HECTD2: variants seen among roughly 807,000 people sequenced by gnomAD.
HECTD2 encodes the protein HECT domain E3 ubiquitin protein ligase 2.
HECTD2 carries 35 observed loss-of-function variants against 103.2 expected under a neutral mutation model. The ratio of observed to expected loss-of-function variants is 0.34; its 90% CI spans 0.26 to 0.45. HECTD2 has a LOEUF of 0.45. HECTD2 is among the 20% of genes least tolerant of loss of function. The probability of loss-of-function intolerance (pLI) is 1.00; values close to 1 mark genes in which losing one functional copy is unlikely to be tolerated. For synonymous variants in HECTD2, 281 were observed against 329.9 expected, an observed-to-expected ratio of 0.85 and a Z score of 1.61; for missense variants, 596 against 937.4, an observed-to-expected ratio of 0.64 and a Z score of 4.76.
In HECTD2 at chr10:91,480,993, T is replaced by C. The variant is rs73316255; in HGVS notation, c.666-101T>C. ...GCATATTAATCCTAGTTTTTGGCTTTTCTCAACTCAGTCTTCATAGAAAAG... is the reference window on the plus strand; with the variant it reads ...GCATATTAATCCTAGTTTTTGGCTTCTCTCAACTCAGTCTTCATAGAAAAG... On this transcript the variant is annotated intron_variant, in intron 6 of 20. Coordinates refer to ENST00000298068, the MANE Select transcript of HECTD2 (RefSeq NM_182765.6). The C allele has an allele frequency of 1.6e-4, 115 of 709,830 alleles. No homozygotes were observed. The African/African-American group carries it at 1.8e-3, about 11-fold the overall frequency. 44.0% of individuals were successfully genotyped at this position (709,830 alleles called of 1,614,324 possible). A position where few individuals can be genotyped will look rare whatever the true frequency, so the allele number is the denominator to read the frequency against.
intron 5 of HECTD2, among the ~76,000 whole-genome samples, chr10:91,465,009 A>T (rs192543832): frequency 2.0e-5 from 3 of 152,262 alleles, no homozygotes; most frequent in African/African-American, 7.2e-5. Flanking sequence ...AAAAATTTTC[A>T]TACATAGTAG....
chr10:91,476,010 G>A (rs986602885), intron 5 of HECTD2, among the ~76,000 whole-genome samples: 1 of 152,324 alleles, frequency 6.6e-6, no homozygotes, highest in Admixed American at 6.5e-5. Flanking sequence ...AGAAGGCAAA[G>A]GAGTCTAGTT....
rs1235123020 is a variant in HECTD2, at chr10:91,514,510, GTAGT to G, written c.*2129_*2132del. On this transcript the variant is annotated 3_prime_UTR_variant, in exon 21 of 21. Coordinates refer to ENST00000298068, the MANE Select transcript of HECTD2 (RefSeq NM_182765.6). ...TAATTTAAAAAGCTAGAAAATTCAT[GTAGT>G]TACTTTTTTTACATATATAATCTGT... 1.3e-5 allele frequency: 2 copies of G among 152,554 alleles called. No individual in the cohort carries two copies. The highest frequency in any genetic ancestry group is 4.8e-5 in the African/African-American group (2 of 41,442). The allele number at this position is 152,554 out of a possible 1,614,324, so 9.5% of individuals were successfully genotyped here.
At chr10:91,427,771 G>A (rs1205962943) in intron 2 of HECTD2, among the ~76,000 whole-genome samples, 3 of 152,018 alleles carry the variant, frequency 2.0e-5, no homozygotes, top group Admixed American at 6.6e-5. Flanking sequence ...TGAGTAGGTT[G>A]CGAAAATTTT....
Position 91,491,213 on chromosome 10 carries a change from A to G in HECTD2, c.1205A>G (p.Asp402Gly). The stretch of plus-strand genomic sequence containing the variant: ...TTATTTAATCAGCAAAGTCTGGTGG[A>G]TAAAGTATCTCGAAGACAGAGACCT... The part of the protein sequence containing the change: ...MINIARQSLV[D>G]KVSRRQRPDM... The change falls in exon 12 of 21, where the codon GAT becomes GGT. Residue 402 changes from aspartate (D) to glycine (G), a missense_variant. By Grantham distance (94) the Asp-to-Gly change is moderately conservative. Transcript: ENST00000298068. 6.4e-7 allele frequency: 1 copy of G among 1,556,572 alleles called. No individual in the cohort carries two copies. Among genetic ancestry groups the G allele is most frequent in the Non-Finnish European group, 8.8e-7 (1 of 1,133,552 alleles).
intron 11 of HECTD2, among the ~76,000 whole-genome samples, chr10:91,490,890 C>CAAAAAAAA (rs61035151): frequency 2.9e-4 from 4 of 13,598 alleles, no homozygotes; most frequent in Admixed American, 1.1e-3. Flanking sequence ...GACTCCGTCT[C>CAAAAAAAA]AAAAAAAAAA....
At chr10:91,505,023 A>C (rs1482342170) in intron 20 of HECTD2, among the ~76,000 whole-genome samples, 1 of 152,186 alleles carries the variant, frequency 6.6e-6, no homozygotes, top group African/African-American at 2.4e-5. Flanking sequence ...AGCCAAACTA[A>C]GCTTCATAAG....
chr10:91,480,149 T>A (rs903952219), intron 6 of HECTD2, among the ~76,000 whole-genome samples: 1 of 152,014 alleles, frequency 6.6e-6, no homozygotes, highest in African/African-American at 2.4e-5. Context: ...AAACTGGGAG[T>A]TAGCTGCTTC....
intron 2 of HECTD2, among the ~76,000 whole-genome samples, chr10:91,449,868 A>G (rs1844722415): frequency 6.6e-6 from 1 of 152,188 alleles, no homozygotes; most frequent in African/African-American, 2.4e-5. Context: ...CTCCTCAAGG[A>G]AATAAGAGAG....
At position 91,493,413 on chromosome 10, in the gene HECTD2, T is replaced by C; in HGVS notation, c.1433-7T>C. 6.8e-7 allele frequency: 1 copy of C among 1,472,380 alleles called. No homozygotes were observed. Among genetic ancestry groups the C allele is most frequent in the South Asian group, 1.4e-5 (1 of 69,080 alleles). The allele number at this position is 1,472,380 out of a possible 1,614,324, so 91.2% of individuals were successfully genotyped here. A position where few individuals can be genotyped will look rare whatever the true frequency, so the allele number is the denominator to read the frequency against. ...TTAATAATAACATTATTCGTGTGTTTTTTTAGGCATGTTTACATATCACAA... is the reference window on the plus strand; with the variant it reads ...TTAATAATAACATTATTCGTGTGTTCTTTTAGGCATGTTTACATATCACAA... On this transcript the variant is annotated splice_polypyrimidine_tract_variant and splice_region_variant and intron_variant, in intron 13 of 20. Transcript: ENST00000298068.
chr10:91,474,474 A>G (rs1477479746), intron 5 of HECTD2, among the ~76,000 whole-genome samples: 1 of 152,208 alleles, frequency 6.6e-6, no homozygotes, highest in African/African-American at 2.4e-5. Context: ...TACTAACTTC[A>G]GAAGATATGG....
chr10:91,457,231 T>C (rs1371277776), intron 2 of HECTD2, among the ~76,000 whole-genome samples: 2 of 152,058 alleles, frequency 1.3e-5, no homozygotes, highest in Non-Finnish European at 2.9e-5. Context: ...CTACCAAATG[T>C]TTAAAGAATT....
At chr10:91,415,291 C>T (rs1461439705) in intron 1 of HECTD2, among the ~76,000 whole-genome samples, 2 of 151,064 alleles carry the variant, frequency 1.3e-5, no homozygotes, top group Non-Finnish European at 2.9e-5. Flanking sequence ...AAATGTTGTG[C>T]TCTTTGTTCA....
At chr10:91,421,039 C>CT (rs967086809) in intron 1 of HECTD2, among the ~76,000 whole-genome samples, 1 of 152,150 alleles carries the variant, frequency 6.6e-6, no homozygotes, top group African/African-American at 2.4e-5. Context: ...TTCTTCCCCC[C>CT]CTCAGGCTTT....
intron 2 of HECTD2, among the ~76,000 whole-genome samples, chr10:91,440,267 T>C (rs1844349313): frequency 6.6e-6 from 1 of 152,184 alleles, no homozygotes; most frequent in African/African-American, 2.4e-5. Flanking sequence ...CCTAGTTTAT[T>C]GAGAGTTTTT....
intron 1 of HECTD2, among the ~76,000 whole-genome samples, chr10:91,419,252 T>C (rs1843254327): frequency 1.3e-5 from 2 of 152,212 alleles, no homozygotes. Flanking sequence ...ACCATGGTTG[T>C]TATTCTTATT....
At chr10:91,484,151 A>C in intron 8 of HECTD2, 1 of 540,374 alleles carries the variant, frequency 1.9e-6, no homozygotes, top group Non-Finnish European at 3.3e-6. Context: ...AACATCTTTC[A>C]CATGTCCCCA....
intron 5 of HECTD2, among the ~76,000 whole-genome samples, chr10:91,464,260 C>T (rs2133213730): frequency 6.6e-6 from 1 of 152,208 alleles, no homozygotes; most frequent in East Asian, 1.9e-4. Flanking sequence ...ATTGGGGAAC[C>T]AAATCAGAGC....
intron 2 of HECTD2, among the ~76,000 whole-genome samples, chr10:91,451,657 C>A (rs1202450041): frequency 6.6e-6 from 1 of 152,038 alleles, no homozygotes; most frequent in African/African-American, 2.4e-5. Flanking sequence ...GAAACCATTG[C>A]TGTTGTATAA....
Sources: gnomAD v4.1 joint callset for allele counts (sites outside exome capture counted in the v4.1 genomes callset) on GRCh38, gnomAD v4.1.1 for gene constraint, MANE v1.5 for transcripts, NCBI Gene and HGNC (gene_info 2026-07-23, HGNC 2026-07-21) for gene names.